MAPK10: variants seen among roughly 807,000 people sequenced by gnomAD.
MAPK10 encodes JNK3 alpha protein kinase.
In MAPK10, 25 loss-of-function variants were observed where a neutral mutation model predicts 59.3. The ratio of observed to expected loss-of-function variants is 0.42; its 90% CI spans 0.31 to 0.59. The LOEUF is 0.59. MAPK10 is among the 20% of genes least tolerant of loss of function. MAPK10 has a pLI of 0.15. For missense variants in MAPK10, 351 were observed against 568.9 expected (o/e 0.62, Z 3.90); for synonymous variants, 190 against 200.5 (o/e 0.95, Z 0.44).
Position 86,322,904 on chromosome 4 carries a change from G to A in MAPK10, c.-7+31626C>T, listed in dbSNP as rs138685109. 9.4e-3 allele frequency among the ~76,000 whole-genome samples: 1,427 copies of A among 152,308 alleles called. 25 individuals are homozygous for A. The highest frequency in any genetic ancestry group is 0.032 in the African/African-American group (1,310 of 41,564). On this transcript the variant is annotated intron_variant, in intron 2 of 13. Transcript: ENST00000641462. ...TTTTAAAAATTAGCATTAGCATTGC[G>A]AGCTTCACGCCTGTAATCCCAGGAC...
chr4:86,438,414 G>T (rs1199777997), intron 1 of MAPK10, among the ~76,000 whole-genome samples: 2 of 152,156 alleles, frequency 1.3e-5, no homozygotes, highest in Admixed American at 1.3e-4. Flanking sequence ...CAAGGGCTGG[G>T]CACAGTGGCT....
At chr4:86,318,682 T>C (rs758208509) in intron 2 of MAPK10, among the ~76,000 whole-genome samples, 2 of 152,180 alleles carry the variant, frequency 1.3e-5, no homozygotes, top group Non-Finnish European at 2.9e-5. Flanking sequence ...ATGTTATCTA[T>C]TACTGTGCCT....
At chr4:86,172,472 G>A (rs2074486585) in intron 3 of MAPK10, among the ~76,000 whole-genome samples, 1 of 150,596 alleles carries the variant, frequency 6.6e-6, no homozygotes, top group Non-Finnish European at 1.5e-5. Context: ...ACTATTGCGA[G>A]GACAAAAAAC....
chr4:86,381,040 A>C (rs983743035), intron 1 of MAPK10, among the ~76,000 whole-genome samples: 30 of 152,176 alleles, frequency 2.0e-4, no homozygotes, highest in African/African-American at 6.8e-4. Context: ...AGCCAAATCC[A>C]GTTCAGTTCA....
At chr4:86,444,458 G>GA (rs1749773425) in intron 1 of MAPK10, among the ~76,000 whole-genome samples, 1 of 151,856 alleles carries the variant, frequency 6.6e-6, no homozygotes, top group Admixed American at 6.6e-5. Flanking sequence ...CCCAAAGCTA[G>GA]AAAAAACATA....
intron 2 of MAPK10, among the ~76,000 whole-genome samples, chr4:86,330,358 C>T (rs1296688361): frequency 6.6e-6 from 1 of 152,178 alleles, no homozygotes; most frequent in African/African-American, 2.4e-5. Flanking sequence ...TCCCTCTCTG[C>T]TCTCTCACTC....
At chr4:86,389,936 C>G (rs1741979632) in intron 1 of MAPK10, among the ~76,000 whole-genome samples, 1 of 151,990 alleles carries the variant, frequency 6.6e-6, no homozygotes, top group South Asian at 2.1e-4. Flanking sequence ...TCTCTCTGCC[C>G]CCATCTATCC....
At position 86,372,564 on chromosome 4, in the gene MAPK10, G is replaced by GAAAGAAAGAAAGAAAGGAAAAGAAAAGA; in HGVS notation, c.-121-17921_-121-17920insTCTTTTCTTTTCCTTTCTTTCTTTCTTT. Among the ~76,000 whole-genome samples the GAAAGAAAGAAAGAAAGGAAAAGAAAAGA allele has an allele frequency of 2.8e-3, 218 of 78,692 alleles. 6 individuals are homozygous for GAAAGAAAGAAAGAAAGGAAAAGAAAAGA. Among genetic ancestry groups the GAAAGAAAGAAAGAAAGGAAAAGAAAAGA allele is most frequent in the East Asian group, 0.012 (36 of 2,922 alleles). The allele number at this position is 78,692 out of a possible 152,430, so 51.6% of individuals were successfully genotyped here. A position where few individuals can be genotyped will look rare whatever the true frequency, so the allele number is the denominator to read the frequency against. On this transcript the variant is annotated intron_variant, in intron 1 of 13. Transcript: ENST00000361569. Reference sequence around the variant, plus strand: ...AGAAAGAAAGAAAGAAAGAAAGAAAGAAAGAAAAGAAAAGAAAAGAAAAGA... The same window carrying GAAAGAAAGAAAGAAAGGAAAAGAAAAGA: ...AGAAAGAAAGAAAGAAAGAAAGAAAGAAAGAAAGAAAGAAAGGAAAAGAAAAGAAAAGAAAAGAAAAGAAAAGAAAAGA...
At chr4:86,387,172 G>A (rs1337726006) in intron 1 of MAPK10, among the ~76,000 whole-genome samples, 1 of 152,126 alleles carries the variant, frequency 6.6e-6, no homozygotes, top group Non-Finnish European at 1.5e-5. Flanking sequence ...GCAGCCGGAG[G>A]GGCACAGGGA....
chr4:86,076,144 G>A (rs926043010), intron 9 of MAPK10, among the ~76,000 whole-genome samples: 1 of 152,338 alleles, frequency 6.6e-6, no homozygotes, highest in Admixed American at 6.5e-5. Context: ...TCGGGTGGGA[G>A]TGACCCGATT....
chr4:86,135,718 T>C (rs2061906454), intron 4 of MAPK10, among the ~76,000 whole-genome samples: 1 of 151,064 alleles, frequency 6.6e-6, no homozygotes, highest in Non-Finnish European at 1.5e-5. Flanking sequence ...AGAAGAAGGC[T>C]TCAGACGATC....
chr4:86,554,185 T>C (rs1471057874), intron 1 of MAPK10, among the ~76,000 whole-genome samples: 2 of 152,090 alleles, frequency 1.3e-5, no homozygotes, highest in Non-Finnish European at 2.9e-5. Context: ...GGGTTGAAAA[T>C]AAATAAGGGA....
chr4:86,398,418 C>T (rs1358716068), intron 1 of MAPK10, among the ~76,000 whole-genome samples: 1 of 151,986 alleles, frequency 6.6e-6, no homozygotes, highest in African/African-American at 2.4e-5. Context: ...AACTGAAACC[C>T]ACAAAGTAAA....
intron 1 of MAPK10, among the ~76,000 whole-genome samples, chr4:86,480,564 T>C (rs1753527033): frequency 6.6e-6 from 1 of 152,080 alleles, no homozygotes; most frequent in African/African-American, 2.4e-5. Context: ...TTGTAAATAC[T>C]CCCTCCCACC....
intron 11 of MAPK10, among the ~76,000 whole-genome samples, chr4:86,042,658 A>C (rs1227338441): frequency 6.6e-6 from 1 of 152,164 alleles, no homozygotes; most frequent in Non-Finnish European, 1.5e-5. Context: ...ATGTTTTTGT[A>C]ATTCTCATGG....
chr4:86,472,230 T>C (rs1752715982), intron 1 of MAPK10, among the ~76,000 whole-genome samples: 1 of 152,208 alleles, frequency 6.6e-6, no homozygotes, highest in South Asian at 2.1e-4. Flanking sequence ...ATTCAGTAGA[T>C]TGATATTATG....
At chr4:86,502,790 C>T (rs1050890271) in intron 1 of MAPK10, among the ~76,000 whole-genome samples, 3 of 152,052 alleles carry the variant, frequency 2.0e-5, no homozygotes, top group Non-Finnish European at 2.9e-5. Context: ...CAACGTTTAT[C>T]TCTCTTCTTT....
chr4:86,085,055 T>TA (rs891186618), intron 9 of MAPK10, among the ~76,000 whole-genome samples: 2 of 152,096 alleles, frequency 1.3e-5, no homozygotes, highest in African/African-American at 4.8e-5. Context: ...TGCAGAAGAA[T>TA]AAAACTAGAT....
chr4:86,459,154 T>C lies in MAPK10; in HGVS notation c.-262-104510A>G, dbSNP rs1328863613. On this transcript the variant is annotated intron_variant, in intron 1 of 4. Coordinates refer to the MAPK10 transcript ENST00000502302. ...GATATACAAATGGACAACAAACATA[T>C]GAAAAAATGCTCAACATCACTAGTG... Among the ~76,000 whole-genome samples, 3 of 152,022 alleles carry C rather than the reference T, an allele frequency of 2.0e-5. No homozygotes were observed. In the South Asian group the frequency reaches 6.2e-4, roughly 32 times the overall value.
Sources: gnomAD v4.1 joint callset for allele counts (sites outside exome capture counted in the v4.1 genomes callset) on GRCh38, gnomAD v4.1.1 for gene constraint, MANE v1.5 for transcripts, NCBI Gene and HGNC (gene_info 2026-07-23, HGNC 2026-07-21) for gene names.